Variants in GFRA1 observed in about 807,000 individuals in gnomAD.
GFRA1 encodes the protein GDNF family receptor alpha-1.
GFRA1 carries 16 observed loss-of-function variants against 51.6 expected under a neutral mutation model. The observed-to-expected ratio is 0.31, with a 90% CI of 0.21 to 0.47. The LOEUF (loss-of-function observed/expected upper bound fraction) is 0.47. GFRA1 is among the 20% of genes least tolerant of loss of function. The pLI is 1.00. For synonymous variants in GFRA1, 270 were observed against 241.3 expected (o/e 1.12, Z -1.10); for missense variants, 530 against 594.3 (o/e 0.89, Z 1.13).
At position 116,121,876 on chromosome 10, in the gene GFRA1, G is replaced by A. The variant is rs17094129; in HGVS notation, c.770+3345C>T. Among the ~76,000 whole-genome samples the A allele has an allele frequency of 4.9e-3, 749 of 152,202 alleles. 7 individuals are homozygous for A. The highest frequency in any genetic ancestry group is 0.017 in the African/African-American group (704 of 41,518). On this transcript the variant is annotated intron_variant, in intron 6 of 10. Coordinates refer to ENST00000355422, the MANE Select transcript of GFRA1 (RefSeq NM_005264.8). Reference sequence around the variant, plus strand: ...CTGCTACTCTGGGTAGAACAACAACGGCCTCACAGAGATGGATTGAGAAGG... The same window carrying A: ...CTGCTACTCTGGGTAGAACAACAACAGCCTCACAGAGATGGATTGAGAAGG...
rs1565694572 is a variant in GFRA1, at chr10:116,270,924, C to T, written c.232G>A (p.Ala78Thr). ...AKDECRSAME[A>T]LKQKSLYNCR... is the part of the protein sequence containing the mutation. The stretch of plus-strand genomic sequence containing the variant: ...TTGTAGAGCGACTTCTGCTTCAGGG[C>T]CTCCATGGCGCTGCGGCACTCATCC... The change falls in exon 3 of 11, where the codon GCC becomes ACC. Residue 78 changes from alanine to threonine, a missense_variant. Coordinates refer to ENST00000355422, the MANE Select transcript of GFRA1 (RefSeq NM_005264.8). 6.2e-6 allele frequency: 10 copies of T among 1,614,040 alleles called. No individual in the cohort carries two copies. The highest frequency in any genetic ancestry group is 8.5e-6 in the Non-Finnish European group (10 of 1,180,038).
At chr10:116,225,486 G>C (rs2134523827) in intron 4 of GFRA1, among the ~76,000 whole-genome samples, 1 of 123,398 alleles carries the variant, frequency 8.1e-6, no homozygotes, top group African/African-American at 3.2e-5. Flanking sequence ...AGAGAGCCAA[G>C]GTCATGCCAC....
intron 5 of GFRA1, among the ~76,000 whole-genome samples, chr10:116,158,239 A>C (rs982484214): frequency 2.6e-5 from 4 of 152,206 alleles, no homozygotes; most frequent in African/African-American, 9.7e-5. Context: ...CCAGAAGGCA[A>C]TTTAGCGAGA....
At chr10:116,228,097 C>T (rs1966430551) in intron 4 of GFRA1, among the ~76,000 whole-genome samples, 1 of 152,196 alleles carries the variant, frequency 6.6e-6, no homozygotes, top group Admixed American at 6.5e-5. Flanking sequence ...TGGAACATGG[C>T]TATTTCTAGA....
intron 6 of GFRA1, among the ~76,000 whole-genome samples, chr10:116,099,589 C>CCTA (rs564097923): frequency 6.8e-4 from 103 of 151,818 alleles, no homozygotes; most frequent in African/African-American, 2.4e-3. Flanking sequence ...ATCTCCTTCT[C>CCTA]CTACCATCAC....
chr10:116,110,652 T>C (rs1315364826), intron 6 of GFRA1, among the ~76,000 whole-genome samples: 6 of 152,218 alleles, frequency 3.9e-5, no homozygotes, highest in Non-Finnish European at 7.3e-5. Flanking sequence ...CTGTTCATCT[T>C]CAGCTTTGTA....
chr10:116,241,434 G>T (rs1468838770), intron 4 of GFRA1, among the ~76,000 whole-genome samples: 1 of 152,168 alleles, frequency 6.6e-6, no homozygotes, highest in Non-Finnish European at 1.5e-5. Context: ...ATAAAAATGC[G>T]TGGTCTCAGA....
chr10:116,138,516 G>A (rs142182443), intron 5 of GFRA1, among the ~76,000 whole-genome samples: 3 of 152,214 alleles, frequency 2.0e-5, no homozygotes, highest in African/African-American at 7.2e-5. Flanking sequence ...TTGTTGACAG[G>A]AAGGTTTTCT....
At chr10:116,225,600 T>A (rs1413701286) in intron 4 of GFRA1, among the ~76,000 whole-genome samples, 3 of 151,990 alleles carry the variant, frequency 2.0e-5, no homozygotes, top group South Asian at 2.1e-4. Flanking sequence ...AAACTAATTT[T>A]TTTTTTTGAG....
intron 5 of GFRA1, among the ~76,000 whole-genome samples, chr10:116,204,438 C>G (rs993149573): frequency 1.3e-5 from 2 of 152,220 alleles, no homozygotes; most frequent in African/African-American, 4.8e-5. Flanking sequence ...ATAAGCACAC[C>G]TAACACCCAG....
chr10:116,250,502 T>C (rs1374938518), intron 4 of GFRA1, among the ~76,000 whole-genome samples: 2 of 152,192 alleles, frequency 1.3e-5, no homozygotes, highest in African/African-American at 4.8e-5. Flanking sequence ...ATGAGATAAA[T>C]CAATACAAAA....
chr10:116,258,470 T>C (rs1468405469), intron 4 of GFRA1, among the ~76,000 whole-genome samples: 2 of 148,268 alleles, frequency 1.3e-5, no homozygotes, highest in Non-Finnish European at 3.0e-5. Context: ...ATATGTAATA[T>C]ATACGTAACA....
Position 116,089,772 on chromosome 10 carries a change from G to C in GFRA1, c.1166C>G (p.Thr389Ser). 1.2e-6 allele frequency: 2 copies of C among 1,614,178 alleles called. No individual in the cohort carries two copies. Among genetic ancestry groups the C allele is most frequent in the Non-Finnish European group, 1.7e-6 (2 of 1,180,018 alleles). ...GPAGSENEIP[T>S]HVLPPCANLQ... is the part of the protein sequence containing the mutation. The stretch of plus-strand genomic sequence containing the variant: ...ATTTGCACACGGTGGCAAAACATGA[G>C]TGGGAATTTCATTCTCAGACCCTGC... Residue 389 changes from threonine to serine, a missense_variant, in exon 9 of 11, where the codon ACT (threonine) becomes AGT (serine). Physicochemically the swap from Thr to Ser is moderately conservative, Grantham distance 58 (BLOSUM62 1). Coordinates refer to ENST00000355422, the MANE Select transcript of GFRA1 (RefSeq NM_005264.8).
intron 4 of GFRA1, among the ~76,000 whole-genome samples, chr10:116,268,787 A>C (rs1969865364): frequency 1.3e-5 from 2 of 152,224 alleles, no homozygotes; most frequent in Admixed American, 1.3e-4. Flanking sequence ...AAGATAAATT[A>C]CTGCCTTGCT....
At chr10:116,246,751 G>A (rs1292827467) in intron 4 of GFRA1, among the ~76,000 whole-genome samples, 1 of 152,108 alleles carries the variant, frequency 6.6e-6, no homozygotes, top group Non-Finnish European at 1.5e-5. Context: ...GAATTTTGAA[G>A]GATTTCAAAA....
chr10:116,077,067 A>C (rs930056948), intron 9 of GFRA1, among the ~76,000 whole-genome samples: 1 of 152,150 alleles, frequency 6.6e-6, no homozygotes, highest in Admixed American at 6.5e-5. Flanking sequence ...AGACTTTATA[A>C]GAGTTAGGAG....
intron 5 of GFRA1, among the ~76,000 whole-genome samples, chr10:116,192,772 G>A (rs768618382): frequency 1.8e-4 from 28 of 152,206 alleles, no homozygotes; most frequent in South Asian, 4.1e-4. Flanking sequence ...AACCCCACCC[G>A]GCCAGTCCTG....
In GFRA1 at chr10:116,272,217, C is replaced by T. The variant is rs1196069186; in HGVS notation, c.-188G>A. ...GCAGCCACCGCCGCCGGCGACTCAG[C>T]TCCGGGATGGCGAGGGCGGGAGGCG... On this transcript the variant is annotated 5_prime_UTR_variant, in exon 2 of 11. Transcript: ENST00000355422. The surrounding 1 kb of genome is among the most constrained non-coding windows in gnomAD (Gnocchi z 4.4). The T allele has an allele frequency of 3.1e-6, 2 of 638,228 alleles. No homozygotes were observed. The highest frequency in any genetic ancestry group is 1.9e-5 in the South Asian group (1 of 53,630). 39.5% of individuals were successfully genotyped at this position (638,228 alleles called of 1,614,324 possible). A position where few individuals can be genotyped will look rare whatever the true frequency, so the allele number is the denominator to read the frequency against.
At chr10:116,222,843 T>C (rs919953969) in intron 4 of GFRA1, among the ~76,000 whole-genome samples, 6 of 152,102 alleles carry the variant, frequency 3.9e-5, no homozygotes, top group South Asian at 2.1e-4. Flanking sequence ...CAACCACGGA[T>C]TGAAAATATT....
Sources: allele counts gnomAD v4.1 joint callset (sites outside exome capture counted in the v4.1 genomes callset), GRCh38; gene constraint gnomAD v4.1.1; non-coding constraint Gnocchi (gnomAD v3.1); transcripts MANE v1.5; gene names NCBI Gene and HGNC (gene_info 2026-07-23, HGNC 2026-07-21).